Variants in DPY19L2 observed in about 807,000 individuals in gnomAD.
DPY19L2 encodes dpy-19 like 2, also known as probable C-mannosyltransferase DPY19L2.
Under a neutral mutation model 97.9 loss-of-function variants are expected in DPY19L2, and 34 were observed. That is an observed-to-expected ratio of 0.35 (90% confidence interval 0.26 to 0.46). The LOEUF is 0.46. DPY19L2 is among the 20% of genes least tolerant of loss of function. The pLI is 1.00. For missense variants in DPY19L2, 623 were observed against 911.4 expected, an observed-to-expected ratio of 0.68 and a Z score of 4.07; for synonymous variants, 230 against 307.9, an observed-to-expected ratio of 0.75 and a Z score of 2.65.
intron 19 of DPY19L2, among the ~76,000 whole-genome samples, chr12:63,573,216 G>C (rs1879206472): frequency 6.6e-6 from 1 of 151,836 alleles, no homozygotes; most frequent in South Asian, 2.1e-4. Flanking sequence ...ACACAGAGAA[G>C]GAATTAGTAT....
At chr12:63,566,474 C>A (rs1877732084) in intron 21 of DPY19L2, among the ~76,000 whole-genome samples, 1 of 151,846 alleles carries the variant, frequency 6.6e-6, no homozygotes, top group South Asian at 2.1e-4. Context: ...CACCCTAACC[C>A]CTCGCAACCA....
At chr12:63,582,009 C>T (rs1281292723) in intron 18 of DPY19L2, among the ~76,000 whole-genome samples, 1 of 150,492 alleles carries the variant, frequency 6.6e-6, no homozygotes, top group African/African-American at 2.5e-5. Flanking sequence ...CCATGTTGGC[C>T]GGGCTGGTCT....
chr12:63,668,685 G>GC (rs1356091807), upstream of DPY19L2: 7 of 408,748 alleles, frequency 1.7e-5, no homozygotes, highest in East Asian at 2.0e-4. Context: ...CCCACGCACA[G>GC]CCCCCCACAC....
chr12:63,615,141 CT>C (rs1233734029), intron 11 of DPY19L2, among the ~76,000 whole-genome samples: 2 of 152,120 alleles, frequency 1.3e-5, no homozygotes, highest in Non-Finnish European at 2.9e-5. Flanking sequence ...TTTCAATTAA[CT>C]TGAAATACAT....
chr12:63,634,312 T>C (rs1486189745), intron 6 of DPY19L2, among the ~76,000 whole-genome samples: 1 of 152,032 alleles, frequency 6.6e-6, no homozygotes, highest in African/African-American at 2.4e-5. Context: ...ATGTAAGATA[T>C]GAAAGGATGG....
intron 12 of DPY19L2, among the ~76,000 whole-genome samples, chr12:63,602,288 T>C (rs1178373897): frequency 6.6e-6 from 1 of 151,142 alleles, no homozygotes; most frequent in African/African-American, 2.4e-5. Context: ...AAAAACTGAA[T>C]CACAAGATGA....
At chr12:63,594,053 C>A in intron 16 of DPY19L2, 34 bp downstream of exon 16, 2 of 1,376,096 alleles carry the variant, frequency 1.5e-6, no homozygotes, top group Non-Finnish European at 1.0e-6. Flanking sequence ...TAATGGAATA[C>A]TGTATGTTTT....
intron 6 of DPY19L2, among the ~76,000 whole-genome samples, chr12:63,637,696 T>C (rs1891975276): frequency 6.6e-6 from 1 of 152,088 alleles, no homozygotes; most frequent in South Asian, 2.1e-4. Context: ...TAACAGGCTC[T>C]GAAATTGAGG....
intron 15 of DPY19L2, among the ~76,000 whole-genome samples, chr12:63,595,593 C>T (rs946001821): frequency 6.6e-6 from 1 of 152,084 alleles, no homozygotes; most frequent in Non-Finnish European, 1.5e-5. Flanking sequence ...TTTCATAGCA[C>T]CTATAAAAAT....
intron 16 of DPY19L2, among the ~76,000 whole-genome samples, chr12:63,587,124 G>C (rs1268176438): frequency 6.6e-6 from 1 of 151,978 alleles, no homozygotes; most frequent in Non-Finnish European, 1.5e-5. Context: ...AAAGAAAGCA[G>C]ATGTGGCAAT....
intron 16 of DPY19L2, among the ~76,000 whole-genome samples, chr12:63,593,800 A>T (rs12314305): frequency 2.1e-4 from 21 of 101,400 alleles, no homozygotes; most frequent in African/African-American, 5.9e-4. Context: ...TAATAAAAAT[A>T]AAAAAAAATA....
At chr12:63,656,039 T>C (rs1386396216) in intron 4 of DPY19L2, among the ~76,000 whole-genome samples, 2 of 152,104 alleles carry the variant, frequency 1.3e-5, no homozygotes, top group Non-Finnish European at 2.9e-5. Flanking sequence ...TTATTTTGGG[T>C]TATTTGATTG....
At chr12:63,618,329 T>A in intron 9 of DPY19L2, 101 bp from the exon 10 acceptor site, 1 of 415,940 alleles carries the variant, frequency 2.4e-6, no homozygotes, top group Admixed American at 4.0e-5. Context: ...ACAGTTCTAA[T>A]AATGGTAAGC....
chr12:63,589,357 CAAAAAAAAAAAAAAAAAAAAAAAAA>C (rs71086687), intron 16 of DPY19L2, among the ~76,000 whole-genome samples: 1 of 18,992 alleles, frequency 5.3e-5, no homozygotes, highest in South Asian at 6.0e-3. Context: ...AAATGTGTTG[CAAAAAAAAAAAAAAAAAAAAAAAAA>C]AAAAAAAAAA....
chr12:63,645,004 C>A (rs904898662), intron 5 of DPY19L2, among the ~76,000 whole-genome samples: 1 of 151,742 alleles, frequency 6.6e-6, no homozygotes, highest in Non-Finnish European at 1.5e-5. Context: ...TAGGGTACAG[C>A]TTTAGTCTAT....
chr12:63,633,880 G>A (rs1891159008), intron 6 of DPY19L2, among the ~76,000 whole-genome samples: 1 of 152,124 alleles, frequency 6.6e-6, no homozygotes, highest in Non-Finnish European at 1.5e-5. Context: ...ATACTATGCA[G>A]CCATAAAAAA....
At chr12:63,626,027 G>A in intron 7 of DPY19L2, among the ~76,000 whole-genome samples, 1 of 149,308 alleles carries the variant, frequency 6.7e-6, no homozygotes. Context: ...AGGTTTTAGA[G>A]GCAGACAGAT....
intron 6 of DPY19L2, 43 bp downstream of exon 6, chr12:63,644,360 T>C (rs1414934313): frequency 4.4e-6 from 7 of 1,581,882 alleles, no homozygotes; most frequent in Non-Finnish European, 6.0e-6. Flanking sequence ...AGCCAGTCTG[T>C]AAAAGCCCAC....
intron 14 of DPY19L2, among the ~76,000 whole-genome samples, chr12:63,596,898 AT>A (rs1884341048): frequency 6.6e-6 from 1 of 152,084 alleles, no homozygotes; most frequent in Admixed American, 6.5e-5. Flanking sequence ...TTATCTGCAA[AT>A]GAAAGAACTA....
Sources: gnomAD v4.1 joint callset for allele counts (sites outside exome capture counted in the v4.1 genomes callset) on GRCh38, gnomAD v4.1.1 for gene constraint, MANE v1.5 for transcripts, NCBI Gene and HGNC (gene_info 2026-07-23, HGNC 2026-07-21) for gene names.